The following OTOGL variants were observed in gnomAD, a reference collection of about 807,000 sequenced individuals.
OTOGL encodes the protein otogelin like, also known as otogelin-like protein.
OTOGL carries 285 observed loss-of-function variants against 318.5 expected under a neutral mutation model. The observed-to-expected ratio is 0.89, with a 90% CI of 0.81 to 0.99. The LOEUF (loss-of-function observed/expected upper bound fraction) is 0.99, where lower values mean the gene tolerates loss of function less well. Among genes scored for constraint, OTOGL ranks in the 50% least tolerant of loss-of-function variants. The pLI is 0.00. For synonymous variants in OTOGL, 987 were observed against 936.5 expected (o/e 1.05, Z -0.99); for missense variants, 2,899 against 2,845.6 (o/e 1.02, Z -0.43).
At chr12:80,144,038 T>A (rs936241165) in intron 1 of OTOGL, among the ~76,000 whole-genome samples, 2 of 151,364 alleles carry the variant, frequency 1.3e-5, no homozygotes, top group Non-Finnish European at 2.9e-5. Context: ...TCTGTCGTTT[T>A]GTGCTTTTCT....
chr12:80,239,263 G>C, intron 10 of OTOGL, 70 bp from the exon 11 acceptor site: 1 of 1,230,742 alleles, frequency 8.1e-7, no homozygotes. Context: ...AAATAGATCT[G>C]TAAAAATAAT....
chr12:80,323,175 A>C (rs1216309629), intron 34 of OTOGL, among the ~76,000 whole-genome samples: 4 of 151,462 alleles, frequency 2.6e-5, no homozygotes, highest in African/African-American at 9.7e-5. Context: ...AATTTTCCTC[A>C]GCCTCCTCCA....
At chr12:80,189,881 G>A (rs1875553694) in intron 1 of OTOGL, among the ~76,000 whole-genome samples, 1 of 152,186 alleles carries the variant, frequency 6.6e-6, no homozygotes, top group South Asian at 2.1e-4. Flanking sequence ...TGGAGGGACA[G>A]AAAACAGCTG....
chr12:80,140,890 AT>A (rs1002679367), intron 1 of OTOGL, among the ~76,000 whole-genome samples: 2 of 152,194 alleles, frequency 1.3e-5, no homozygotes, highest in African/African-American at 2.4e-5. Flanking sequence ...TAATTAAGTG[AT>A]TTTTTCCCAC....
Position 80,255,102 on chromosome 12 carries a change from A to T in OTOGL, c.1504A>T (p.Ile502Phe), listed in dbSNP as rs779298631. The T allele has an allele frequency of 6.6e-7, 1 of 1,520,534 alleles. No homozygotes were observed. The highest frequency in any genetic ancestry group is 1.3e-5 in the South Asian group (1 of 78,098). The allele number at this position is 1,520,534 out of a possible 1,614,324, so 94.2% of individuals were successfully genotyped here. ...TTFDGRHYSF[I>F]GMCQYILVKG... ...TTTTGATGGTCGACATTATTCTTTTATTGGCATGTGCCAATACATCCTCGT... is the reference window on the plus strand; with the variant it reads ...TTTTGATGGTCGACATTATTCTTTTTTTGGCATGTGCCAATACATCCTCGT... Residue 502 changes from isoleucine (I) to phenylalanine (F), a missense_variant, in exon 16 of 59, where the codon ATT becomes TTT. This residue lies in a region of OTOGL where 2,607 missense variants were observed against 2,524.9 expected (regional missense o/e 1.03). Transcript: ENST00000547103.
At chr12:80,110,782 TG>T (rs1474257722) in intron 1 of OTOGL, among the ~76,000 whole-genome samples, 28 of 152,238 alleles carry the variant, frequency 1.8e-4, no homozygotes, top group Non-Finnish European at 2.9e-4. Context: ...ATGGGATTGC[TG>T]GGTCAAATGG....
At chr12:80,114,227 G>A (rs981749349) in intron 1 of OTOGL, among the ~76,000 whole-genome samples, 1 of 152,052 alleles carries the variant, frequency 6.6e-6, no homozygotes, top group African/African-American at 2.4e-5. Context: ...TTACATTTTG[G>A]TTTGTTTTTG....
chr12:80,125,206 T>C (rs866432985), intron 1 of OTOGL, among the ~76,000 whole-genome samples: 1,831 of 152,276 alleles, frequency 0.012, 42 homozygotes, highest in African/African-American at 0.042. Context: ...TTTTGAGATA[T>C]GTCCCATCAA....
intron 2 of OTOGL, among the ~76,000 whole-genome samples, 197 bp from the exon 3 acceptor site, chr12:80,210,650 C>T (rs1446748407): frequency 6.6e-6 from 1 of 152,090 alleles, no homozygotes; most frequent in Admixed American, 6.6e-5. Context: ...GTACACTGCC[C>T]TTTCTTTTTA....
At chr12:80,368,809 GACA>G (rs1890707725) in intron 55 of OTOGL, among the ~76,000 whole-genome samples, 1 of 94,572 alleles carries the variant, frequency 1.1e-5, no homozygotes, top group African/African-American at 4.0e-5. Context: ...GCCAAAGTTT[GACA>G]ACTACTATTT....
intron 3 of OTOGL, among the ~76,000 whole-genome samples, chr12:80,211,376 T>C (rs1375445128): frequency 6.6e-6 from 1 of 152,172 alleles, no homozygotes; most frequent in African/African-American, 2.4e-5. Context: ...CAGAATTCTA[T>C]TCACCATTTG....
At chr12:80,332,846 G>A (rs1888160508) in intron 37 of OTOGL, among the ~76,000 whole-genome samples, 159 bp from the exon 38 acceptor site, 1 of 152,094 alleles carries the variant, frequency 6.6e-6, no homozygotes, top group Admixed American at 6.6e-5. Flanking sequence ...CTCATCTTCT[G>A]TAAAATGTCG....
chr12:80,226,985 G>C (rs1317109883), intron 7 of OTOGL, among the ~76,000 whole-genome samples: 1 of 152,052 alleles, frequency 6.6e-6, no homozygotes, highest in Non-Finnish European at 1.5e-5. Context: ...GAAGTTTTTA[G>C]ATCTTTTAAT....
chr12:80,195,761 T>A (rs930070538), intron 1 of OTOGL, among the ~76,000 whole-genome samples: 9 of 152,310 alleles, frequency 5.9e-5, no homozygotes, highest in Non-Finnish European at 7.3e-5. Context: ...TTATTAAATT[T>A]GGAGGAATTT....
Position 80,233,755 on chromosome 12 carries a change from A to G in OTOGL, c.817+658A>G, listed in dbSNP as rs140660820. Among the ~76,000 whole-genome samples the G allele has an allele frequency of 1.8e-3, 275 of 152,334 alleles. 3 individuals are homozygous for G. The highest frequency in any genetic ancestry group is 6.1e-3 in the African/African-American group (253 of 41,574). On this transcript the variant is annotated intron_variant, in intron 9 of 58. Coordinates refer to ENST00000547103, the MANE Select transcript of OTOGL (RefSeq NM_001378609.3). Reference sequence around the variant, plus strand: ...CATAATCATGACTTAGGTCCATACAAGGAAGTGCAATAAGAAGAGAATACT... The same window carrying G: ...CATAATCATGACTTAGGTCCATACAGGGAAGTGCAATAAGAAGAGAATACT...
At chr12:80,138,919 G>T (rs749153767) in intron 1 of OTOGL, among the ~76,000 whole-genome samples, 2 of 152,130 alleles carry the variant, frequency 1.3e-5, no homozygotes, top group African/African-American at 4.8e-5. Flanking sequence ...AACATGTCCA[G>T]TGTGGTAAAC....
Position 80,318,565 on chromosome 12 carries a change from T to C in OTOGL, c.3654T>C (p.Tyr1218=). The change falls in exon 33 of 59, where the codon TAT becomes TAC. Residue 1218 remains tyrosine (Y), a synonymous_variant. Coordinates refer to ENST00000547103, the MANE Select transcript of OTOGL (RefSeq NM_001378609.3). ...AACTAGGACTTGGAGAAGGACCATA[T>C]ATGCTGGCAAGCTATGGGCAGAGTG... is the stretch of plus-strand genomic sequence containing the variant. ...YYNEGLGEGP[Y]MLASYGQSGL... The C allele has an allele frequency of 2.2e-6, 3 of 1,366,104 alleles. No individual in the cohort carries two copies. The highest frequency in any genetic ancestry group is 2.8e-6 in the Non-Finnish European group (3 of 1,056,546). 84.6% of individuals were successfully genotyped at this position (1,366,104 alleles called of 1,614,324 possible).
chr12:80,129,291 A>G (rs1315953174), intron 1 of OTOGL, among the ~76,000 whole-genome samples: 1 of 152,214 alleles, frequency 6.6e-6, no homozygotes, highest in Non-Finnish European at 1.5e-5. Context: ...TTGCTTCCAT[A>G]TTGAACAAAA....
rs185278184 is a variant in OTOGL, at chr12:80,139,342, T to C, written c.-20+39737T>C. ...ACCTGGGAACTGTAGCAATCCATTT[T>C]CATTTAAATAAGTCAATATGAATTT... is the stretch of plus-strand genomic sequence containing the variant. On this transcript the variant is annotated intron_variant, in intron 1 of 58. Coordinates refer to ENST00000547103, the MANE Select transcript of OTOGL (RefSeq NM_001378609.3). 6.8e-4 allele frequency among the ~76,000 whole-genome samples: 103 copies of C among 152,360 alleles called. 3 individuals carry two copies. In the South Asian group the frequency reaches 0.02, roughly 29 times the overall value.
Sources: allele counts gnomAD v4.1 joint callset (sites outside exome capture counted in the v4.1 genomes callset), GRCh38; gene constraint gnomAD v4.1.1; regional missense constraint gnomAD v4.1.1; transcripts MANE v1.5; gene names NCBI Gene and HGNC (gene_info 2026-07-23, HGNC 2026-07-21).